LINGO2: variants seen among roughly 807,000 people sequenced by gnomAD.
The protein encoded by LINGO2 is leucine-rich repeat and immunoglobulin-like domain-containing nogo receptor-interacting protein 2.
LINGO2 carries 14 observed loss-of-function variants against 30.6 expected under a neutral mutation model. The observed-to-expected ratio is 0.46, with a 90% CI of 0.30 to 0.72. LINGO2 has a LOEUF of 0.72. Among genes scored for constraint, LINGO2 ranks in the 30% least tolerant of loss-of-function variants. The probability of loss-of-function intolerance (pLI) is 0.07; values close to 1 mark genes in which losing one functional copy is unlikely to be tolerated. For missense variants in LINGO2, 729 were observed against 751.7 expected (o/e 0.97, Z 0.35); for synonymous variants, 317 against 288.5 (o/e 1.10, Z -1.00).
intron 4 of LINGO2, among the ~76,000 whole-genome samples, chr9:28,142,866 A>T (rs1249028776): frequency 6.6e-6 from 1 of 152,076 alleles, no homozygotes; most frequent in Non-Finnish European, 1.5e-5. Flanking sequence ...TCATTTCCCT[A>T]GCTGGAGTGG....
At chr9:28,197,581 A>AT (rs1587199833) in intron 4 of LINGO2, among the ~76,000 whole-genome samples, 1 of 152,000 alleles carries the variant, frequency 6.6e-6, no homozygotes, top group African/African-American at 2.4e-5. Flanking sequence ...TGGGTCAAAG[A>AT]TTTTAACACA....
intron 1 of LINGO2, among the ~76,000 whole-genome samples, chr9:28,570,012 T>C (rs1193313300): frequency 6.6e-6 from 1 of 151,484 alleles, no homozygotes; most frequent in Non-Finnish European, 1.5e-5. Flanking sequence ...ATAAAGAAAA[T>C]AGAAAACAGC....
the LINGO2 span, among the ~76,000 whole-genome samples, chr9:29,202,030 G>A: frequency 3.9e-5 from 6 of 151,900 alleles, no homozygotes; most frequent in Admixed American, 3.9e-4. Flanking sequence ...ATTTAAAACT[G>A]TCTAAATGTT....
At chr9:28,448,727 G>C (rs1040487226) in intron 2 of LINGO2, among the ~76,000 whole-genome samples, 4 of 152,166 alleles carry the variant, frequency 2.6e-5, no homozygotes, top group African/African-American at 7.2e-5. Flanking sequence ...ACAGCTTCTA[G>C]GTGGAAGGAG....
chr9:28,714,869 T>C, the LINGO2 span, among the ~76,000 whole-genome samples: 2 of 152,156 alleles, frequency 1.3e-5, no homozygotes, highest in African/African-American at 4.8e-5. Context: ...GAAATTCAAA[T>C]TTCTACCATG....
intron 5 of LINGO2, among the ~76,000 whole-genome samples, chr9:28,003,372 TAG>T (rs1563901820): frequency 6.2e-4 from 87 of 141,024 alleles, no homozygotes; most frequent in East Asian, 2.3e-3. Context: ...GATAGATAGA[TAG>T]ATAGATAGAT....
At chr9:28,689,976 A>T in the LINGO2 span, among the ~76,000 whole-genome samples, 1 of 152,160 alleles carries the variant, frequency 6.6e-6, no homozygotes, top group Non-Finnish European at 1.5e-5. Flanking sequence ...CAGAAACAGA[A>T]AACCAAACAC....
intron 1 of LINGO2, among the ~76,000 whole-genome samples, chr9:28,597,778 ATTTT>A (rs1157272269): frequency 6.6e-6 from 1 of 152,050 alleles, no homozygotes; most frequent in East Asian, 1.9e-4. Context: ...GTATTTATTT[ATTTT>A]GAGACAGAGT....
chr9:28,609,561 C>T (rs1357684069), intron 1 of LINGO2, among the ~76,000 whole-genome samples: 2 of 151,920 alleles, frequency 1.3e-5, no homozygotes, highest in African/African-American at 2.4e-5. Context: ...GCAATGCTAT[C>T]TTCACATAAG....
the LINGO2 span, among the ~76,000 whole-genome samples, chr9:29,063,141 A>G: frequency 6.9e-6 from 1 of 144,078 alleles, no homozygotes; most frequent in East Asian, 2.2e-4. Flanking sequence ...AGACAAAATA[A>G]TGTAACACAG....
intron 4 of LINGO2, among the ~76,000 whole-genome samples, chr9:28,284,456 G>A (rs1197090989): frequency 1.3e-5 from 2 of 152,050 alleles, no homozygotes; most frequent in African/African-American, 2.4e-5. Context: ...CTCCTAATAT[G>A]GTTTTAGATG....
At chr9:28,281,139 G>C (rs1304054090) in intron 4 of LINGO2, among the ~76,000 whole-genome samples, 4 of 152,112 alleles carry the variant, frequency 2.6e-5, no homozygotes, top group Non-Finnish European at 5.9e-5. Flanking sequence ...TAAGGTGAAT[G>C]CAGATGCATG....
At chr9:27,990,471 C>CCCA (rs1554650619) in intron 5 of LINGO2, among the ~76,000 whole-genome samples, 2 of 77,702 alleles carry the variant, frequency 2.6e-5, no homozygotes, top group Non-Finnish European at 6.8e-5. Context: ...TACCCCCCCC[C>CCCA]CTTTTATTTT....
chr9:28,404,329 G>A (rs539389545), intron 2 of LINGO2, among the ~76,000 whole-genome samples: 17 of 147,326 alleles, frequency 1.2e-4, no homozygotes, highest in African/African-American at 1.8e-4. Context: ...CAAATGATTC[G>A]TGGTAGAGGT....
chr9:28,560,359 T>A lies in LINGO2; in HGVS notation c.-364-84334A>T, dbSNP rs576043880. 1.1e-4 allele frequency among the ~76,000 whole-genome samples: 16 copies of A among 152,208 alleles called. No homozygotes were observed. The South Asian group carries it at 3.3e-3, about 32-fold the overall frequency. On this transcript the variant is annotated intron_variant, in intron 1 of 5. Coordinates refer to ENST00000379992, the Ensembl canonical transcript of LINGO2. The stretch of plus-strand genomic sequence containing the variant: ...AGTTGAAGGATTAGGAAAAATCTGG[T>A]CTTGATCTTTCTGAACAAGAGAAAT...
At chr9:28,904,299 C>G in the LINGO2 span, among the ~76,000 whole-genome samples, 9 of 151,928 alleles carry the variant, frequency 5.9e-5, no homozygotes, top group African/African-American at 2.2e-4. Flanking sequence ...CCTCTAAAAC[C>G]AGAATCAAGA....
rs557027946 is a variant in LINGO2, at chr9:28,315,805, T to C, written c.-245-20439A>G. On this transcript the variant is annotated intron_variant, in intron 3 of 5. Transcript: ENST00000379992. ...CGTTTTCTAATTTCTATTTCATATA[T>C]GTTTATTGGAGTAAAAACTATGAAT... Among the ~76,000 whole-genome samples the C allele has an allele frequency of 1.1e-4, 17 of 152,332 alleles. 1 individual carries two copies. Among genetic ancestry groups the C allele is most frequent in the African/African-American group, 4.1e-4 (17 of 41,592 alleles).
intron 2 of LINGO2, among the ~76,000 whole-genome samples, chr9:28,417,871 T>C (rs953901868): frequency 6.6e-6 from 1 of 152,176 alleles, no homozygotes; most frequent in African/African-American, 2.4e-5. Flanking sequence ...GAAAAATATA[T>C]AGCAAAAGGT....
intron 2 of LINGO2, among the ~76,000 whole-genome samples, chr9:28,468,786 G>A (rs754370070): frequency 2.6e-5 from 4 of 152,170 alleles, no homozygotes; most frequent in Non-Finnish European, 5.9e-5. Context: ...GACTTTATGT[G>A]TTCATATTAC....
Sources: allele counts gnomAD v4.1 joint callset (sites outside exome capture counted in the v4.1 genomes callset), GRCh38; gene constraint gnomAD v4.1.1; transcripts MANE v1.5; gene names NCBI Gene and HGNC (gene_info 2026-07-23, HGNC 2026-07-21).